Variants in TMED5 observed in about 807,000 individuals in gnomAD.
The protein encoded by TMED5 is transmembrane emp24 domain-containing protein 5.
In TMED5, 27 loss-of-function variants were observed where a neutral mutation model predicts 23.0. The ratio of observed to expected loss-of-function variants is 1.17; its 90% CI spans 0.86 to 1.62. The LOEUF (loss-of-function observed/expected upper bound fraction) is 1.62, where lower values mean the gene tolerates loss of function less well. Among genes scored for constraint, TMED5 ranks in the 40% most tolerant of loss-of-function variants. The probability of loss-of-function intolerance (pLI) is 0.00; values close to 1 mark genes in which losing one functional copy is unlikely to be tolerated. For missense variants in TMED5, 248 were observed against 273.7 expected (o/e 0.91, Z 0.66); for synonymous variants, 97 against 100.8 (o/e 0.96, Z 0.23).
chr1:93,174,694 A>G (rs12091237), intron 1 of TMED5, among the ~76,000 whole-genome samples: 2 of 152,052 alleles, frequency 1.3e-5, no homozygotes, highest in African/African-American at 4.8e-5. Context: ...CTTTGTGTTC[A>G]TAAGTTCTTA....
At chr1:93,166,059 C>T (rs1221948270) in intron 1 of TMED5, among the ~76,000 whole-genome samples, 1 of 152,218 alleles carries the variant, frequency 6.6e-6, no homozygotes, top group East Asian at 1.9e-4. Context: ...ATAATGACCT[C>T]CAGTTCCATC....
intron 2 of TMED5, among the ~76,000 whole-genome samples, chr1:93,159,191 G>A (rs901374697): frequency 2.8e-4 from 42 of 152,008 alleles, no homozygotes; most frequent in Non-Finnish European, 4.9e-4. Context: ...TATGTACCAG[G>A]GATGTTCTAA....
intron 1 of TMED5, among the ~76,000 whole-genome samples, chr1:93,176,213 T>C (rs1252250406): frequency 6.6e-6 from 1 of 152,188 alleles, no homozygotes; most frequent in Non-Finnish European, 1.5e-5. Flanking sequence ...ATCCTATCTT[T>C]CAGGACCTCA....
At chr1:93,172,263 A>G (rs1329078627) in intron 1 of TMED5, among the ~76,000 whole-genome samples, 1 of 152,184 alleles carries the variant, frequency 6.6e-6, no homozygotes, top group Non-Finnish European at 1.5e-5. Context: ...TTGGAAAAGA[A>G]GAAATAAAAC....
At chr1:93,160,921 AATT>A (rs1648253861) in intron 1 of TMED5, 1 of 151,086 alleles carries the variant, frequency 6.6e-6, no homozygotes, top group Non-Finnish European at 1.5e-5. Context: ...AAAGAATAAT[AATT>A]AACTGTTTCT....
chr1:93,170,287 C>T (rs912498789), intron 1 of TMED5, among the ~76,000 whole-genome samples: 1 of 152,200 alleles, frequency 6.6e-6, no homozygotes, highest in Non-Finnish European at 1.5e-5. Context: ...CGGGTGGGAA[C>T]TGGGGCTGCG....
At chr1:93,171,601 C>T (rs1033366390) in intron 1 of TMED5, among the ~76,000 whole-genome samples, 1 of 152,130 alleles carries the variant, frequency 6.6e-6, no homozygotes, top group Non-Finnish European at 1.5e-5. Context: ...CAGGACCAGA[C>T]AGTTTCAATG....
intron 1 of TMED5, among the ~76,000 whole-genome samples, chr1:93,163,543 T>C (rs890648034): frequency 2.1e-4 from 32 of 151,956 alleles, no homozygotes; most frequent in African/African-American, 6.5e-4. Flanking sequence ...GGTTTCACCA[T>C]GTTGGCCAAG....
intron 1 of TMED5, 169 bp from the exon 2 acceptor site, chr1:93,160,395 C>G (rs1648225439): frequency 2.1e-6 from 1 of 473,894 alleles, no homozygotes; most frequent in Admixed American, 3.3e-5. Context: ...CAATTCCATT[C>G]ATTTTTGGAA....
Position 93,159,677 on chromosome 1 carries a change from T to TAA in TMED5, c.287+450_287+451dup, listed in dbSNP as rs59708035. Among the ~76,000 whole-genome samples the TAA allele has an allele frequency of 8.8e-3, 1,320 of 149,258 alleles. 18 individuals are homozygous for TAA. Among genetic ancestry groups the TAA allele is most frequent in the African/African-American group, 0.029 (1,183 of 40,648 alleles). ...TTACCTAAAACGAATGAGGTCTGAA[T>TAA]AAAAAAAAAAAATTTACGTACACAC... On this transcript the variant is annotated intron_variant, in intron 2 of 3. Coordinates refer to ENST00000370282, the MANE Select transcript of TMED5 (RefSeq NM_016040.5).
intron 1 of TMED5, chr1:93,162,219 C>T (rs1648305179): frequency 6.6e-6 from 1 of 151,808 alleles, no homozygotes; most frequent in South Asian, 2.1e-4. Context: ...TTTTATTGTT[C>T]AACAGAACTG....
rs1571273395 is a variant in TMED5, at chr1:93,160,113, A to T, written c.287+16T>A. The T allele has an allele frequency of 2.6e-6, 4 of 1,562,794 alleles. No individual in the cohort carries two copies. Among genetic ancestry groups the T allele is most frequent in the African/African-American group, 2.7e-5 (2 of 73,762 alleles). Reference sequence around the variant, plus strand: ...TATTATTCAGCAATGAAACTCAACTAAAAGAGATTACTTACGTGTGAACTC... The same window carrying T: ...TATTATTCAGCAATGAAACTCAACTTAAAGAGATTACTTACGTGTGAACTC... On this transcript the variant is annotated intron_variant, in intron 2 of 3. Transcript: ENST00000370282.
rs963801602 is a variant in TMED5 at position 93,153,016 on chromosome 1, C to G, written c.*1654G>C. The G allele has an allele frequency of 2.0e-5, 3 of 152,524 alleles. No individual in the cohort carries two copies. The highest frequency in any genetic ancestry group is 4.4e-5 in the Non-Finnish European group (3 of 67,998). 9.4% of individuals were successfully genotyped at this position (152,524 alleles called of 1,614,324 possible). ...GGGAAATGTATCTCTTTTTATACTA[C>G]TATGAGTGTAAATGAAATCACTCTC... On this transcript the variant is annotated 3_prime_UTR_variant, in exon 4 of 4. Transcript: ENST00000370282.
chr1:93,170,044 G>A (rs1648657286), intron 1 of TMED5, among the ~76,000 whole-genome samples: 2 of 152,146 alleles, frequency 1.3e-5, no homozygotes, highest in South Asian at 4.1e-4. Flanking sequence ...CTCCAGCCTG[G>A]GTGATGGCAA....
intron 1 of TMED5, among the ~76,000 whole-genome samples, chr1:93,170,523 G>A (rs1648686351): frequency 6.6e-6 from 1 of 152,204 alleles, no homozygotes; most frequent in African/African-American, 2.4e-5. Flanking sequence ...CCCACTGTGG[G>A]CTCCTGCGCG....
intron 1 of TMED5, 119 bp downstream of exon 1, chr1:93,179,935 G>T (rs1649233843): frequency 1.7e-6 from 2 of 1,148,208 alleles, no homozygotes; most frequent in African/African-American, 1.6e-5. Context: ...CTGGCTTCCT[G>T]AACGGCCCTC....
chr1:93,159,047 T>C (rs1648176492), intron 2 of TMED5, among the ~76,000 whole-genome samples: 1 of 152,024 alleles, frequency 6.6e-6, no homozygotes, highest in Non-Finnish European at 1.5e-5. Flanking sequence ...TCTTAAAAAA[T>C]TATTGTTGAG....
intron 1 of TMED5, chr1:93,162,163 A>G (rs939893150): frequency 6.6e-6 from 1 of 150,930 alleles, no homozygotes; most frequent in Non-Finnish European, 1.5e-5. Context: ...TTTATTTTTC[A>G]TGGTAGTTTT....
At chr1:93,161,182 A>G (rs899576769) in intron 1 of TMED5, 4 of 152,328 alleles carry the variant, frequency 2.6e-5, no homozygotes, top group South Asian at 2.1e-4. Context: ...TTTATTCCTT[A>G]TAACAACTCT....
Sources: allele counts gnomAD v4.1 joint callset (sites outside exome capture counted in the v4.1 genomes callset), GRCh38; gene constraint gnomAD v4.1.1; transcripts MANE v1.5; gene names NCBI Gene and HGNC (gene_info 2026-07-23, HGNC 2026-07-21).